The following ADAM12 variants were observed in gnomAD, a reference collection of about 807,000 sequenced individuals.
ADAM12 encodes disintegrin and metalloproteinase domain-containing protein 12.
ADAM12 carries 70 observed loss-of-function variants against 106.4 expected under a neutral mutation model. The observed-to-expected ratio is 0.66, with a 90% CI of 0.54 to 0.80. The LOEUF (loss-of-function observed/expected upper bound fraction) is 0.80, where lower values mean the gene tolerates loss of function less well. ADAM12 is among the 30% of genes least tolerant of loss of function. The pLI is 0.00. For synonymous variants in ADAM12, 420 were observed against 433.5 expected (o/e 0.97, Z 0.39); for missense variants, 1,010 against 1,171.9 (o/e 0.86, Z 2.02).
At chr10:126,192,469 G>C (rs541861408) in intron 3 of ADAM12, among the ~76,000 whole-genome samples, 1 of 152,280 alleles carries the variant, frequency 6.6e-6, no homozygotes, top group South Asian at 2.1e-4. Flanking sequence ...AATAAACACA[G>C]ATTTGTTCAT....
chr10:126,064,470 G>C lies in ADAM12; in HGVS notation c.1609+336C>G, dbSNP rs1024721265. 6.6e-6 allele frequency among the ~76,000 whole-genome samples: 1 copy of C among 152,138 alleles called. No homozygotes were observed. Among genetic ancestry groups the C allele is most frequent in the African/African-American group, 2.4e-5 (1 of 41,428 alleles). On this transcript the variant is annotated intron_variant, in intron 14 of 22. Coordinates refer to ENST00000448723, the MANE Select transcript of ADAM12 (RefSeq NM_001288973.2). The surrounding 1 kb of genome is among the most constrained non-coding windows in gnomAD (Gnocchi z 4.4). ...TGCCATCCCTCGGGGCACGCAGTAG[G>C]TGCTCCTGCAGCTCCCGTATCTCCC...
chr10:126,155,615 G>C (rs1674914), intron 3 of ADAM12, among the ~76,000 whole-genome samples: 116,592 of 152,124 alleles, frequency 0.77, 45,707 homozygotes, highest in East Asian at 0.92. Context: ...CACTTGCAAA[G>C]GCACACATTT....
chr10:126,145,967 G>A (rs1419432595), intron 4 of ADAM12, among the ~76,000 whole-genome samples: 1 of 152,220 alleles, frequency 6.6e-6, no homozygotes, highest in African/African-American at 2.4e-5. Flanking sequence ...GATGATTTGG[G>A]AGGATCAAAA....
chr10:126,060,802 C>G (rs1224024825), intron 14 of ADAM12, among the ~76,000 whole-genome samples: 5 of 152,220 alleles, frequency 3.3e-5, no homozygotes, highest in Admixed American at 2.6e-4. Flanking sequence ...CAGATCCAGG[C>G]AGGAGTGCAC....
chr10:126,209,923 T>C (rs573015319), intron 3 of ADAM12, among the ~76,000 whole-genome samples: 1 of 152,192 alleles, frequency 6.6e-6, no homozygotes, highest in African/African-American at 2.4e-5. Context: ...ACAACTTCAC[T>C]GGGAACAGGC....
At chr10:126,318,180 A>G (rs1438825495) in intron 2 of ADAM12, among the ~76,000 whole-genome samples, 1 of 152,078 alleles carries the variant, frequency 6.6e-6, no homozygotes, top group East Asian at 1.9e-4. Flanking sequence ...GCAGTGCCAG[A>G]AAGGAAGGAA....
At chr10:126,243,305 GATA>G (rs1478279797) in intron 3 of ADAM12, among the ~76,000 whole-genome samples, 2 of 152,190 alleles carry the variant, frequency 1.3e-5, no homozygotes, top group Non-Finnish European at 2.9e-5. Flanking sequence ...CAGTGAAATT[GATA>G]ATAACTATGG....
At chr10:126,337,323 G>A (rs1427080588) in intron 1 of ADAM12, among the ~76,000 whole-genome samples, 1 of 152,222 alleles carries the variant, frequency 6.6e-6, no homozygotes, top group Non-Finnish European at 1.5e-5. Flanking sequence ...GGAATGGGAA[G>A]AAGGAAGAGA....
chr10:126,185,255 C>T (rs1351317632), intron 3 of ADAM12, among the ~76,000 whole-genome samples: 1 of 152,214 alleles, frequency 6.6e-6, no homozygotes, highest in Non-Finnish European at 1.5e-5. Context: ...ATCTTTCAAA[C>T]ATATTTTCAT....
chr10:126,048,248 G>A (rs569489923), intron 16 of ADAM12, among the ~76,000 whole-genome samples: 1 of 152,204 alleles, frequency 6.6e-6, no homozygotes, highest in African/African-American at 2.4e-5. Context: ...CATGACACAA[G>A]TTTACCTGTA....
chr10:126,297,101 TA>T, intron 2 of ADAM12, among the ~76,000 whole-genome samples: 1 of 152,244 alleles, frequency 6.6e-6, no homozygotes, highest in African/African-American at 2.4e-5. Context: ...TCCTACTCCT[TA>T]AAAATGTGCA....
At chr10:126,209,934 G>A (rs114730586) in intron 3 of ADAM12, among the ~76,000 whole-genome samples, 85 of 152,284 alleles carry the variant, frequency 5.6e-4, no homozygotes, top group African/African-American at 1.8e-3. Flanking sequence ...GGGAACAGGC[G>A]ACTGCTGATC....
Position 126,073,988 on chromosome 10 carries a change from G to T in ADAM12, c.1146-2334C>A, listed in dbSNP as rs77801280. On this transcript the variant is annotated intron_variant, in intron 11 of 22. Transcript: ENST00000448723. ...CAGTTCTTCTCTTTGCAAAAAGAAA[G>T]AAAGAAAGAAATAAAAATCAATTTC... 7.0e-3 allele frequency among the ~76,000 whole-genome samples: 1,062 copies of T among 152,276 alleles called. 5 individuals carry two copies. The highest frequency in any genetic ancestry group is 0.024 in the Middle Eastern group (7 of 294).
intron 1 of ADAM12, among the ~76,000 whole-genome samples, chr10:126,384,327 A>G (rs1407484892): frequency 5.3e-5 from 8 of 152,166 alleles, no homozygotes; most frequent in Non-Finnish European, 1.2e-4. Flanking sequence ...CATATTCACA[A>G]GTTATCAAAA....
chr10:126,226,189 T>A (rs1223637764), intron 3 of ADAM12, among the ~76,000 whole-genome samples: 1 of 4,972 alleles, frequency 2.0e-4, no homozygotes, highest in African/African-American at 6.7e-4. Flanking sequence ...AAGGTGGTGG[T>A]GGGGGGAGGG....
At chr10:126,225,839 C>G (rs138732951) in intron 3 of ADAM12, among the ~76,000 whole-genome samples, 1 of 152,168 alleles carries the variant, frequency 6.6e-6, no homozygotes, top group Non-Finnish European at 1.5e-5. Context: ...GCAGTCACAA[C>G]GCAACCCTTA....
intron 3 of ADAM12, among the ~76,000 whole-genome samples, chr10:126,226,568 G>A (rs1188198241): frequency 6.6e-6 from 1 of 152,220 alleles, no homozygotes; most frequent in Non-Finnish European, 1.5e-5. Flanking sequence ...CCGGCCAGCT[G>A]AGGGACCTTA....
chr10:126,148,090 G>T (rs1224439763), intron 4 of ADAM12, among the ~76,000 whole-genome samples: 2 of 152,090 alleles, frequency 1.3e-5, no homozygotes, highest in African/African-American at 4.8e-5. Flanking sequence ...GATGTGGGCA[G>T]CAAAGGATAA....
At chr10:126,175,738 T>C (rs73380542) in intron 3 of ADAM12, among the ~76,000 whole-genome samples, 6,305 of 152,266 alleles carry the variant, frequency 0.041, 471 homozygotes, top group African/African-American at 0.14. Flanking sequence ...TCCATCGGAA[T>C]GCCCAGAAGA....
Sources: gnomAD v4.1 joint callset for allele counts (sites outside exome capture counted in the v4.1 genomes callset) on GRCh38, gnomAD v4.1.1 for gene constraint, Gnocchi (gnomAD v3.1) non-coding constraint, MANE v1.5 for transcripts, NCBI Gene and HGNC (gene_info 2026-07-23, HGNC 2026-07-21) for gene names.